The following TBC1D16 variants were observed in gnomAD, a reference collection of about 807,000 sequenced individuals.
TBC1D16 encodes CTD-2529O21.1.
Under a neutral mutation model 74.7 loss-of-function variants are expected in TBC1D16, and 58 were observed. The ratio of observed to expected loss-of-function variants is 0.78; its 90% CI spans 0.63 to 0.97. TBC1D16 has a LOEUF of 0.97. Ranked by LOEUF, TBC1D16 falls within the 50% of genes least tolerant of loss-of-function variation. The probability of loss-of-function intolerance (pLI) is 0.00; values close to 1 mark genes in which losing one functional copy is unlikely to be tolerated. For missense variants in TBC1D16, 1,014 were observed against 1,079.5 expected, an observed-to-expected ratio of 0.94 and a Z score of 0.85; for synonymous variants, 493 against 474.7, an observed-to-expected ratio of 1.04 and a Z score of -0.50.
rs546422505 is a variant in TBC1D16, at chr17:80,002,097, TTG to T, written c.779+8061_779+8062del. 3.1e-4 allele frequency among the ~76,000 whole-genome samples: 47 copies of T among 152,148 alleles called. No homozygotes were observed. In the South Asian group the frequency reaches 8.9e-3, roughly 29 times the overall value. On this transcript the variant is annotated intron_variant, in intron 3 of 11. Coordinates refer to ENST00000310924, the MANE Select transcript of TBC1D16 (RefSeq NM_019020.4). Reference sequence around the variant, plus strand: ...GAAGGGATCCGGAACGAGCAGAGCTTTGTGAGTCCAGGGCGACACCCCCAGGG... The same window carrying T: ...GAAGGGATCCGGAACGAGCAGAGCTTTGAGTCCAGGGCGACACCCCCAGGG...
intron 3 of TBC1D16, among the ~76,000 whole-genome samples, chr17:79,973,832 G>A (rs2034218602): frequency 6.6e-6 from 1 of 152,092 alleles, no homozygotes; most frequent in South Asian, 2.1e-4. Flanking sequence ...TCCACCCTGG[G>A]CAACAGAGCA....
intron 3 of TBC1D16, among the ~76,000 whole-genome samples, chr17:79,965,166 G>A (rs755353128): frequency 8.6e-5 from 13 of 151,838 alleles, no homozygotes; most frequent in South Asian, 2.1e-4. Flanking sequence ...TGCAGCCTCC[G>A]CCTCCCAGGT....
Position 79,950,133 on chromosome 17 carries a change from T to C in TBC1D16, c.1258-268A>G, listed in dbSNP as rs919752230. On this transcript the variant is annotated intron_variant, in intron 6 of 11. Transcript: ENST00000310924. The surrounding 1 kb of genome is among the most constrained non-coding windows in gnomAD (Gnocchi z 4.6). ...ATGGCCTAATCCCTGGTTTTGGAAA[T>C]GCTGCATTTCACTGCAAACCCTTCT... Among the ~76,000 whole-genome samples, 3 of 152,096 alleles carry C rather than the reference T, an allele frequency of 2.0e-5. No homozygotes were observed. The highest frequency in any genetic ancestry group is 4.4e-5 in the Non-Finnish European group (3 of 68,012).
At chr17:80,011,744 T>A (rs1324323079) in intron 2 of TBC1D16, among the ~76,000 whole-genome samples, 1 of 150,972 alleles carries the variant, frequency 6.6e-6, no homozygotes, top group Non-Finnish European at 1.5e-5. Context: ...GAGAATGGCG[T>A]GAACCCAGGA....
At chr17:80,020,521 G>T (rs1459096334) in intron 1 of TBC1D16, among the ~76,000 whole-genome samples, 1 of 149,564 alleles carries the variant, frequency 6.7e-6, no homozygotes, top group Non-Finnish European at 1.5e-5. Context: ...GGAGGTGGAG[G>T]TTGCAGTGAG....
In TBC1D16 at chr17:79,950,777, CCTCTGCGGCT is replaced by C; in HGVS notation, c.1090-209_1090-200del. The C allele has an allele frequency of 1.3e-6, 2 of 1,536,212 alleles. No homozygotes were observed. The highest frequency in any genetic ancestry group is 1.7e-6 in the Non-Finnish European group (2 of 1,146,890). The stretch of plus-strand genomic sequence containing the variant: ...ATACCTTCATCTTAAAATCGGTTTC[CCTCTGCGGCT>C]CTCTCCTCCCCGGCCCACTGTGCCG... On this transcript the variant is annotated intron_variant, in intron 5 of 11. Coordinates refer to ENST00000310924, the MANE Select transcript of TBC1D16 (RefSeq NM_019020.4). The surrounding 1 kb of genome is among the most constrained non-coding windows in gnomAD (Gnocchi z 4.6).
At chr17:79,963,789 G>A (rs1037261763) in intron 3 of TBC1D16, among the ~76,000 whole-genome samples, 3 of 152,126 alleles carry the variant, frequency 2.0e-5, no homozygotes, top group South Asian at 2.1e-4. Flanking sequence ...GTGGGAGGTC[G>A]TATTTCATTG....
At chr17:79,999,533 C>CTTTTTTTTTTTT (rs71163906) in intron 3 of TBC1D16, among the ~76,000 whole-genome samples, 1 of 76,460 alleles carries the variant, frequency 1.3e-5, no homozygotes, top group African/African-American at 5.3e-5. Context: ...CCCCAAATTT[C>CTTTTTTTTTTTT]TTTTTTTTTT....
At chr17:79,977,776 T>A (rs1263055799) in intron 3 of TBC1D16, among the ~76,000 whole-genome samples, 1 of 152,258 alleles carries the variant, frequency 6.6e-6, no homozygotes, top group Non-Finnish European at 1.5e-5. Context: ...GGCTGGACTC[T>A]GCCAGCTTCC....
chr17:79,943,911 T>C lies in TBC1D16; in HGVS notation c.1908+997A>G, dbSNP rs935838946. 7.8e-6 allele frequency: 11 copies of C among 1,415,286 alleles called. No individual in the cohort carries two copies. The African/African-American group carries it at 1.0e-4, about 13-fold the overall frequency. 87.7% of individuals were successfully genotyped at this position (1,415,286 alleles called of 1,614,324 possible). A position where few individuals can be genotyped will look rare whatever the true frequency, so the allele number is the denominator to read the frequency against. ...TTTTTTAATTCGGGAGTGGTGGGAA[T>C]GAAGCCTCTCAGACCGTCCATGCCG... On this transcript the variant is annotated intron_variant, in intron 10 of 11. Coordinates refer to ENST00000310924, the MANE Select transcript of TBC1D16 (RefSeq NM_019020.4).
chr17:80,015,214 G>A (rs2036044513), intron 1 of TBC1D16, among the ~76,000 whole-genome samples: 1 of 152,140 alleles, frequency 6.6e-6, no homozygotes, highest in Non-Finnish European at 1.5e-5. Flanking sequence ...TGGATCACCT[G>A]AGGTCAGGAG....
chr17:79,941,181 C>A lies in TBC1D16; in HGVS notation c.2056-74G>T, dbSNP rs1342550597. ...AGCCTAGGGTCCCCATGGGAGTGGC[C>A]AAAGACAGCAACAGCAGCAACAACG... On this transcript the variant is annotated intron_variant, in intron 11 of 11. Transcript: ENST00000310924. The surrounding 1 kb of genome is among the most constrained non-coding windows in gnomAD (Gnocchi z 4.3). 10 of 1,419,568 alleles carry A rather than the reference C, an allele frequency of 7.0e-6. No homozygotes were observed. The highest frequency in any genetic ancestry group is 9.5e-6 in the Non-Finnish European group (10 of 1,055,642). 87.9% of individuals were successfully genotyped at this position (1,419,568 alleles called of 1,614,324 possible).
intron 3 of TBC1D16, among the ~76,000 whole-genome samples, chr17:79,970,242 A>T (rs967160991): frequency 8.5e-5 from 13 of 152,188 alleles, no homozygotes; most frequent in African/African-American, 3.1e-4. Context: ...AAATCCATAG[A>T]GACAGACAGC....
chr17:79,964,102 A>G (rs2033740112), intron 3 of TBC1D16, among the ~76,000 whole-genome samples: 1 of 152,068 alleles, frequency 6.6e-6, no homozygotes, highest in Non-Finnish European at 1.5e-5. Context: ...CAGCCTCCCA[A>G]GTAGCTGGGA....
intron 9 of TBC1D16, among the ~76,000 whole-genome samples, chr17:79,945,614 G>A (rs76277730): frequency 0.011 from 1,738 of 152,340 alleles, 36 homozygotes; most frequent in African/African-American, 0.039. Context: ...GGACAAGATC[G>A]GGGCTATTTC....
At chr17:79,958,441 A>C (rs942890545) in intron 3 of TBC1D16, among the ~76,000 whole-genome samples, 30 of 152,070 alleles carry the variant, frequency 2.0e-4, no homozygotes, top group Non-Finnish European at 2.8e-4. Context: ...TCTCGTCTGG[A>C]ACTCCTGACC....
chr17:79,942,087 G>A lies in TBC1D16; in HGVS notation c.2028C>T (p.His676=). 3 of 1,612,518 alleles carry A rather than the reference G, an allele frequency of 1.9e-6. No individual in the cohort carries two copies. The highest frequency in any genetic ancestry group is 2.2e-5 in the East Asian group (1 of 44,886). Residue 676 remains histidine, a synonymous_variant, in exon 11 of 12, where the codon CAC becomes CAT. Coordinates refer to ENST00000310924, the MANE Select transcript of TBC1D16 (RefSeq NM_019020.4). The part of the protein sequence containing the change: ...MLLHFGNLAM[H]MNGELVLRKA... ...TCCGGAGAACGAGCTCCCCGTTCAT[G>A]TGCATGGCCAGGTTTCCGAAGTGCA...
In TBC1D16 at chr17:80,030,587, A is replaced by G. The variant is rs527560154; in HGVS notation, c.-63+5208T>C. Among the ~76,000 whole-genome samples the G allele has an allele frequency of 2.0e-5, 3 of 152,342 alleles. No individual in the cohort carries two copies. In the South Asian group the frequency reaches 6.2e-4, roughly 32 times the overall value. The stretch of plus-strand genomic sequence containing the variant: ...AGCCTGGAGCCACTAGGAGAGAGGT[A>G]TCACCCCAGCCTCTTCTCTTGCTCA... On this transcript the variant is annotated intron_variant, in intron 1 of 11. Coordinates refer to ENST00000310924, the MANE Select transcript of TBC1D16 (RefSeq NM_019020.4).
chr17:79,942,622 C>A (rs1476680711), intron 10 of TBC1D16, among the ~76,000 whole-genome samples: 1 of 152,236 alleles, frequency 6.6e-6, no homozygotes, highest in African/African-American at 2.4e-5. Context: ...ACGGTGTGTG[C>A]GGAAGTCTGG....
Sources: allele counts gnomAD v4.1 joint callset (sites outside exome capture counted in the v4.1 genomes callset), GRCh38; gene constraint gnomAD v4.1.1; non-coding constraint Gnocchi (gnomAD v3.1); transcripts MANE v1.5; gene names NCBI Gene and HGNC (gene_info 2026-07-23, HGNC 2026-07-21).